Variants in CNTNAP2 observed in about 807,000 individuals in gnomAD.
The protein encoded by CNTNAP2 is contactin associated protein 2.
A neutral mutation model predicts 155.2 loss-of-function variants in CNTNAP2; 98 were observed. The ratio of observed to expected loss-of-function variants is 0.63; its 90% CI spans 0.54 to 0.75. The LOEUF (loss-of-function observed/expected upper bound fraction) is 0.75. Ranked by LOEUF, CNTNAP2 falls within the 30% of genes least tolerant of loss-of-function variation. The pLI, the probability that CNTNAP2 is intolerant of heterozygous loss-of-function variation, is 0.00. For synonymous variants in CNTNAP2, 651 were observed against 631.2 expected, an observed-to-expected ratio of 1.03 and a Z score of -0.47; for missense variants, 1,727 against 1,688.1, an observed-to-expected ratio of 1.02 and a Z score of -0.40.
intron 1 of CNTNAP2, among the ~76,000 whole-genome samples, chr7:146,517,064 G>A (rs997653107): frequency 1.3e-5 from 2 of 151,916 alleles, no homozygotes; most frequent in African/African-American, 2.4e-5. Flanking sequence ...TAAATCCTAT[G>A]CTGCTCTAAG....
intron 1 of CNTNAP2, among the ~76,000 whole-genome samples, chr7:146,651,643 C>T (rs1005111181): frequency 5.3e-5 from 8 of 152,102 alleles, no homozygotes; most frequent in African/African-American, 1.9e-4. Flanking sequence ...CTGTATAGTA[C>T]ACCAAGATAA....
At chr7:147,347,461 T>TATATATATATCC (rs1322128631) in intron 9 of CNTNAP2, among the ~76,000 whole-genome samples, 1 of 62,552 alleles carries the variant, frequency 1.6e-5, no homozygotes, top group Non-Finnish European at 3.5e-5. Context: ...TATATGCATA[T>TATATATATATCC]ATATATATAT....
intron 9 of CNTNAP2, among the ~76,000 whole-genome samples, chr7:147,347,424 A>T (rs1053407104): frequency 6.3e-5 from 3 of 48,000 alleles, no homozygotes; most frequent in Non-Finnish European, 1.4e-4. Flanking sequence ...AAAAGATTAT[A>T]TATATATATA....
At chr7:147,880,874 T>A in intron 13 of CNTNAP2, among the ~76,000 whole-genome samples, 1 of 103,564 alleles carries the variant, frequency 9.7e-6, no homozygotes, top group Non-Finnish European at 1.9e-5. Flanking sequence ...TGTGTGTGTG[T>A]GTGTGTGTGT....
intron 10 of CNTNAP2, among the ~76,000 whole-genome samples, chr7:147,437,336 C>T (rs1407467079): frequency 6.6e-6 from 1 of 152,110 alleles, no homozygotes; most frequent in African/African-American, 2.4e-5. Flanking sequence ...TCTGAAAGTC[C>T]ATCTAGCTAA....
intron 1 of CNTNAP2, among the ~76,000 whole-genome samples, chr7:146,163,525 A>ATC (rs1554398422): frequency 1.4e-5 from 2 of 144,886 alleles, no homozygotes; most frequent in African/African-American, 5.2e-5. Context: ...ATCTATATAT[A>ATC]TCTATATATA....
At chr7:148,340,888 CAG>C (rs1798217612) in intron 21 of CNTNAP2, among the ~76,000 whole-genome samples, 2 of 152,110 alleles carry the variant, frequency 1.3e-5, no homozygotes, top group Non-Finnish European at 2.9e-5. Flanking sequence ...TTTCCAGAAA[CAG>C]AGAATTATGA....
chr7:147,313,937 A>C (rs7804265), intron 9 of CNTNAP2, among the ~76,000 whole-genome samples: 66,776 of 147,708 alleles, frequency 0.45, 15,697 homozygotes, highest in East Asian at 0.72. Flanking sequence ...CTTTTATTTC[A>C]TTGAGCAGGG....
At chr7:146,896,353 C>T (rs1795876165) in intron 3 of CNTNAP2, among the ~76,000 whole-genome samples, 8 of 152,048 alleles carry the variant, frequency 5.3e-5, no homozygotes, top group Admixed American at 5.3e-4. Flanking sequence ...TGGGTGATGC[C>T]TACTAATCCT....
At chr7:146,460,869 A>T (rs1188121471) in intron 1 of CNTNAP2, among the ~76,000 whole-genome samples, 1 of 152,230 alleles carries the variant, frequency 6.6e-6, no homozygotes, top group Non-Finnish European at 1.5e-5. Context: ...AATTTCAGTT[A>T]CATAAGATAA....
intron 20 of CNTNAP2, among the ~76,000 whole-genome samples, chr7:148,253,511 G>A (rs1796407166): frequency 6.6e-6 from 1 of 152,202 alleles, no homozygotes; most frequent in Non-Finnish European, 1.5e-5. Context: ...GAGCCCAGCT[G>A]GGAACATCTG....
At chr7:147,194,519 G>A (rs984609300) in intron 8 of CNTNAP2, among the ~76,000 whole-genome samples, 1 of 152,076 alleles carries the variant, frequency 6.6e-6, no homozygotes, top group Non-Finnish European at 1.5e-5. Context: ...CCAAATGGTT[G>A]AACTAATTTA....
chr7:146,668,100 T>C (rs1587049), intron 1 of CNTNAP2, among the ~76,000 whole-genome samples: 122,972 of 152,008 alleles, frequency 0.81, 50,347 homozygotes, highest in South Asian at 0.91. Flanking sequence ...GTGATGTTAA[T>C]TGTGTGTTTG....
At chr7:146,247,204 C>T (rs1799675358) in intron 1 of CNTNAP2, among the ~76,000 whole-genome samples, 2 of 152,048 alleles carry the variant, frequency 1.3e-5, no homozygotes, top group South Asian at 2.1e-4. Flanking sequence ...GATGAAAGAG[C>T]CTAAACGCAC....
chr7:148,168,080 G>A (rs1415476482), intron 17 of CNTNAP2, among the ~76,000 whole-genome samples: 1 of 152,138 alleles, frequency 6.6e-6, no homozygotes, highest in Non-Finnish European at 1.5e-5. Context: ...TGGAGAGGAT[G>A]TGGAGAAATA....
At chr7:146,924,031 A>G (rs541558307) in intron 3 of CNTNAP2, among the ~76,000 whole-genome samples, 4 of 152,120 alleles carry the variant, frequency 2.6e-5, no homozygotes, top group Admixed American at 1.3e-4. Flanking sequence ...CTCTTAAAGT[A>G]TATGTTTTTT....
chr7:146,734,341 G>A lies in CNTNAP2; in HGVS notation c.98-39930G>A, dbSNP rs537889165. Among the ~76,000 whole-genome samples, 8 of 152,190 alleles carry A rather than the reference G, an allele frequency of 5.3e-5. No homozygotes were observed. In the East Asian group the frequency reaches 1.3e-3, roughly 26 times the overall value. On this transcript the variant is annotated intron_variant, in intron 1 of 23. Transcript: ENST00000361727. ...ATTGTTTTCAAAAAGCATGTTAGGA[G>A]TTCACCTAATGGGAGTGACTGAGAA...
At chr7:146,393,795 G>A (rs1023342465) in intron 1 of CNTNAP2, among the ~76,000 whole-genome samples, 1 of 151,722 alleles carries the variant, frequency 6.6e-6, no homozygotes, top group Non-Finnish European at 1.5e-5. Flanking sequence ...TTTCTGGATG[G>A]TGAATACATA....
rs11394452 is a variant in CNTNAP2, at chr7:146,303,392, G to GTT, written c.97+186428_97+186429dup. Among the ~76,000 whole-genome samples, 545 of 150,184 alleles carry GTT rather than the reference G, an allele frequency of 3.6e-3. 3 individuals are homozygous for GTT. Among genetic ancestry groups the GTT allele is most frequent in the African/African-American group, 0.011 (454 of 41,048 alleles). On this transcript the variant is annotated intron_variant, in intron 1 of 23. Coordinates refer to ENST00000361727, the MANE Select transcript of CNTNAP2 (RefSeq NM_014141.6). ...ATTTTAAAGTAAATACAAAACAGAA[G>GTT]TTTTTTTTTTAATTATTGTAGTAAG...
Sources: allele counts gnomAD v4.1 joint callset (sites outside exome capture counted in the v4.1 genomes callset), GRCh38; gene constraint gnomAD v4.1.1; transcripts MANE v1.5; gene names NCBI Gene and HGNC (gene_info 2026-07-23, HGNC 2026-07-21).